The following RAP1A variants were observed in gnomAD, a reference collection of about 807,000 sequenced individuals.
The protein encoded by RAP1A is ras-related protein Rap-1A.
RAP1A carries 6 observed loss-of-function variants against 26.4 expected under a neutral mutation model. The ratio of observed to expected loss-of-function variants is 0.23; its 90% CI spans 0.12 to 0.45. The LOEUF is 0.45. RAP1A is among the 20% of genes least tolerant of loss of function. RAP1A has a pLI of 0.99. For missense variants in RAP1A, 121 were observed against 217.2 expected, an observed-to-expected ratio of 0.56 and a Z score of 2.78; for synonymous variants, 73 against 79.4, an observed-to-expected ratio of 0.92 and a Z score of 0.43.
At chr1:111,576,678 T>A (rs1360902558) in intron 1 of RAP1A, among the ~76,000 whole-genome samples, 1 of 152,238 alleles carries the variant, frequency 6.6e-6, no homozygotes, top group Non-Finnish European at 1.5e-5. Flanking sequence ...CTTATGGCAC[T>A]GTTTGCTCCG....
intron 6 of RAP1A, among the ~76,000 whole-genome samples, chr1:111,705,502 T>C (rs183482393): frequency 2.4e-3 from 367 of 152,386 alleles, no homozygotes; most frequent in Non-Finnish European, 4.0e-3. Context: ...TTAAGCTTGC[T>C]TCAACTTCTG....
intron 1 of RAP1A, among the ~76,000 whole-genome samples, chr1:111,557,334 G>A (rs1387593795): frequency 6.6e-6 from 1 of 152,108 alleles, no homozygotes; most frequent in Non-Finnish European, 1.5e-5. Context: ...AGATCACGAG[G>A]TGAGGAGATC....
At chr1:111,632,730 T>C (rs895301404) in intron 1 of RAP1A, among the ~76,000 whole-genome samples, 1 of 151,268 alleles carries the variant, frequency 6.6e-6, no homozygotes, top group Non-Finnish European at 1.5e-5. Context: ...CTGACCAACA[T>C]GGAGAAACCC....
At chr1:111,565,042 A>C (rs887694267) in intron 1 of RAP1A, among the ~76,000 whole-genome samples, 4 of 152,194 alleles carry the variant, frequency 2.6e-5, no homozygotes, top group Non-Finnish European at 4.4e-5. Context: ...GGGAAGGCAG[A>C]TTTAATAAGA....
At chr1:111,688,810 T>TTTTTTTTTTTTG (rs71099934) in intron 1 of RAP1A, among the ~76,000 whole-genome samples, 2 of 124,148 alleles carry the variant, frequency 1.6e-5, no homozygotes, top group South Asian at 5.3e-4. Context: ...TTGTTTTTGT[T>TTTTTTTTTTTTG]TTTTTTTTTT....
chr1:111,625,479 A>G (rs1373438752), intron 1 of RAP1A, among the ~76,000 whole-genome samples: 1 of 152,206 alleles, frequency 6.6e-6, no homozygotes, highest in Non-Finnish European at 1.5e-5. Flanking sequence ...CATTTCAGAT[A>G]TGTCAGATGT....
intron 1 of RAP1A, among the ~76,000 whole-genome samples, chr1:111,668,385 G>A (rs1660865051): frequency 6.6e-6 from 1 of 152,162 alleles, no homozygotes; most frequent in African/African-American, 2.4e-5. Flanking sequence ...AGTGTGTTTA[G>A]CGAGGTAAAG....
At chr1:111,651,150 G>A (rs1660256465) in intron 1 of RAP1A, among the ~76,000 whole-genome samples, 1 of 152,120 alleles carries the variant, frequency 6.6e-6, no homozygotes, top group South Asian at 2.1e-4. Flanking sequence ...AAAGTCTTCT[G>A]TGTTCCTGTC....
intron 1 of RAP1A, among the ~76,000 whole-genome samples, chr1:111,669,597 A>G (rs1420679541): frequency 6.6e-6 from 1 of 152,258 alleles, no homozygotes; most frequent in African/African-American, 2.4e-5. Flanking sequence ...AGAGGAAAAT[A>G]ACCCTGAATT....
chr1:111,622,357 C>T (rs1659240973), intron 1 of RAP1A, among the ~76,000 whole-genome samples: 1 of 152,224 alleles, frequency 6.6e-6, no homozygotes, highest in Non-Finnish European at 1.5e-5. Flanking sequence ...CTTTACTTTT[C>T]CTCTTGCTTA....
intron 1 of RAP1A, among the ~76,000 whole-genome samples, chr1:111,556,221 T>G (rs979390413): frequency 6.6e-6 from 1 of 152,094 alleles, no homozygotes; most frequent in Non-Finnish European, 1.5e-5. Flanking sequence ...CAATGAGATA[T>G]CACTTTACAC....
At chr1:111,705,805 G>C (rs905754265) in intron 6 of RAP1A, among the ~76,000 whole-genome samples, 5 of 152,182 alleles carry the variant, frequency 3.3e-5, no homozygotes, top group African/African-American at 1.2e-4. Flanking sequence ...TTGGCTAGCA[G>C]AACAGTGACA....
In RAP1A at chr1:111,714,861, A is replaced by G. The variant is rs1662488493; in HGVS notation, c.*2460A>G. ...TGTGAATGTCAAATGATAAATATCT[A>G]GAAACTGATTTCATATTAGTATGTG... is the stretch of plus-strand genomic sequence containing the variant. On this transcript the variant is annotated 3_prime_UTR_variant, in exon 8 of 8. Coordinates refer to ENST00000369709, the MANE Select transcript of RAP1A (RefSeq NM_002884.4). 6.6e-6 allele frequency: 1 copy of G among 152,246 alleles called. No individual in the cohort carries two copies. The highest frequency in any genetic ancestry group is 1.5e-5 in the Non-Finnish European group (1 of 68,040). The allele number at this position is 152,246 out of a possible 1,614,324, so 9.4% of individuals were successfully genotyped here.
intron 1 of RAP1A, among the ~76,000 whole-genome samples, chr1:111,563,304 A>G (rs1186169232): frequency 6.6e-6 from 1 of 151,964 alleles, no homozygotes; most frequent in African/African-American, 2.4e-5. Context: ...AAATAAATAA[A>G]CCCAGTACTG....
chr1:111,641,980 C>G (rs927286063), intron 1 of RAP1A, among the ~76,000 whole-genome samples: 1 of 152,180 alleles, frequency 6.6e-6, no homozygotes, highest in African/African-American at 2.4e-5. Context: ...CACAGTGGCT[C>G]AAACCTATAA....
At chr1:111,598,474 T>TG (rs1043852089) in intron 1 of RAP1A, among the ~76,000 whole-genome samples, 14 of 151,872 alleles carry the variant, frequency 9.2e-5, no homozygotes, top group Non-Finnish European at 1.8e-4. Flanking sequence ...CTTTTTTTTT[T>TG]GTCCCACACG....
At chr1:111,661,774 G>A (rs1388752642) in intron 1 of RAP1A, among the ~76,000 whole-genome samples, 1 of 150,468 alleles carries the variant, frequency 6.6e-6, no homozygotes, top group Non-Finnish European at 1.5e-5. Flanking sequence ...ACTCCAGCCT[G>A]GGCGACAGAA....
chr1:111,639,414 T>C (rs982435906), intron 1 of RAP1A, among the ~76,000 whole-genome samples: 1 of 152,078 alleles, frequency 6.6e-6, no homozygotes, highest in Non-Finnish European at 1.5e-5. Context: ...AATTACACTT[T>C]GCTTTTTAAA....
chr1:111,569,481 A>G (rs1031343621), intron 1 of RAP1A, among the ~76,000 whole-genome samples: 1 of 151,928 alleles, frequency 6.6e-6, no homozygotes, highest in African/African-American at 2.4e-5. Flanking sequence ...TTCAGGGGTC[A>G]ACTGTACTTA....
Sources: gnomAD v4.1 joint callset for allele counts (sites outside exome capture counted in the v4.1 genomes callset) on GRCh38, gnomAD v4.1.1 for gene constraint, MANE v1.5 for transcripts, NCBI Gene and HGNC (gene_info 2026-07-23, HGNC 2026-07-21) for gene names.